SGMS1: variants seen among roughly 807,000 people sequenced by gnomAD.
SGMS1 encodes the protein sphingomyelin synthase 1.
Under a neutral mutation model 46.2 loss-of-function variants are expected in SGMS1, and 13 were observed. The observed-to-expected ratio is 0.28, with a 90% CI of 0.18 to 0.45. The LOEUF is 0.45. SGMS1 is among the 20% of genes least tolerant of loss of function. SGMS1 has a pLI of 1.00. For missense variants in SGMS1, 324 were observed against 519.9 expected (o/e 0.62, Z 3.66); for synonymous variants, 203 against 187.8 (o/e 1.08, Z -0.66).
At position 50,373,957 on chromosome 10, in the gene SGMS1, A is replaced by G. The variant is rs150364369; in HGVS notation, c.-231-29612T>C. ...ACATTATATAGACATCCTGTTCATT[A>G]TAAGAATTTGATCAGCATTCAGAGA... On this transcript the variant is annotated intron_variant, in intron 6 of 10. Transcript: ENST00000361781. 3.9e-3 allele frequency among the ~76,000 whole-genome samples: 592 copies of G among 152,332 alleles called. 8 individuals are homozygous for G. The highest frequency in any genetic ancestry group is 0.014 in the African/African-American group (567 of 41,578).
At chr10:50,439,184 G>A (rs746170641) in intron 5 of SGMS1, among the ~76,000 whole-genome samples, 1 of 152,038 alleles carries the variant, frequency 6.6e-6, no homozygotes, top group African/African-American at 2.4e-5. Flanking sequence ...TCTAATATGG[G>A]CGCCTTAAAA....
chr10:50,585,018 A>C (rs1219781578), intron 2 of SGMS1, among the ~76,000 whole-genome samples: 1 of 152,240 alleles, frequency 6.6e-6, no homozygotes, highest in Non-Finnish European at 1.5e-5. Flanking sequence ...AGCACATATG[A>C]AAATGCTACA....
intron 2 of SGMS1, among the ~76,000 whole-genome samples, chr10:50,562,982 G>A (rs548922775): frequency 6.6e-6 from 1 of 152,302 alleles, no homozygotes; most frequent in South Asian, 2.1e-4. Context: ...TACTAGGTAA[G>A]CTCTGTCTAG....
intron 8 of SGMS1, among the ~76,000 whole-genome samples, chr10:50,313,681 T>C (rs1273136253): frequency 1.3e-5 from 2 of 152,256 alleles, no homozygotes; most frequent in Non-Finnish European, 2.9e-5. Flanking sequence ...ATAATGCTTT[T>C]CTAAAATTCC....
At chr10:50,551,703 T>C (rs1470551964) in intron 2 of SGMS1, among the ~76,000 whole-genome samples, 1 of 152,100 alleles carries the variant, frequency 6.6e-6, no homozygotes, top group African/African-American at 2.4e-5. Context: ...TACAAAACTG[T>C]CTTTGGCTCC....
intron 8 of SGMS1, 98 bp from the exon 9 acceptor site, chr10:50,311,513 T>A: frequency 1.0e-6 from 1 of 984,460 alleles, no homozygotes; most frequent in South Asian, 1.9e-5. Flanking sequence ...AAGCTTATAT[T>A]AAGAAACATA....
chr10:50,381,291 A>G (rs914948852), intron 6 of SGMS1, among the ~76,000 whole-genome samples: 2 of 145,832 alleles, frequency 1.4e-5, no homozygotes, highest in African/African-American at 2.7e-5. Context: ...GAAGAAGAAG[A>G]AAAAAAAAAT....
At chr10:50,401,941 A>G (rs561099020) in intron 6 of SGMS1, among the ~76,000 whole-genome samples, 1 of 152,366 alleles carries the variant, frequency 6.6e-6, no homozygotes, top group South Asian at 2.1e-4. Flanking sequence ...ATTTTTTAAG[A>G]TTAAGCTAAA....
chr10:50,381,445 A>G (rs1414659956), intron 6 of SGMS1, among the ~76,000 whole-genome samples: 2 of 152,182 alleles, frequency 1.3e-5, no homozygotes, highest in Non-Finnish European at 2.9e-5. Context: ...GTTGGAGTAA[A>G]TAAATGGAGA....
At chr10:50,414,531 C>T (rs1849142545) in intron 6 of SGMS1, among the ~76,000 whole-genome samples, 1 of 152,208 alleles carries the variant, frequency 6.6e-6, no homozygotes, top group South Asian at 2.1e-4. Context: ...CTAATATATA[C>T]AATTTACTAT....
At chr10:50,429,103 A>T (rs1029710432) in intron 6 of SGMS1, among the ~76,000 whole-genome samples, 6 of 152,218 alleles carry the variant, frequency 3.9e-5, no homozygotes, top group Non-Finnish European at 5.9e-5. Context: ...TTGCTTTTGC[A>T]CCATCATGAA....
chr10:50,490,506 C>T (rs565666732), intron 3 of SGMS1, among the ~76,000 whole-genome samples: 1 of 152,358 alleles, frequency 6.6e-6, no homozygotes, highest in South Asian at 2.1e-4. Context: ...AGCAGCAACA[C>T]TGAAGAATCT....
At chr10:50,573,177 C>T (rs1273621001) in intron 2 of SGMS1, among the ~76,000 whole-genome samples, 1 of 152,140 alleles carries the variant, frequency 6.6e-6, no homozygotes, top group Non-Finnish European at 1.5e-5. Context: ...ATCTGGAATA[C>T]ACAAGAATGC....
At chr10:50,414,250 TA>T (rs1334086447) in intron 6 of SGMS1, among the ~76,000 whole-genome samples, 2 of 152,056 alleles carry the variant, frequency 1.3e-5, no homozygotes, top group Admixed American at 6.6e-5. Flanking sequence ...TGCAAAATAT[TA>T]AAAAATTAGC....
intron 1 of SGMS1, among the ~76,000 whole-genome samples, chr10:50,612,599 TAG>T (rs1213016857): frequency 1.6e-4 from 25 of 152,378 alleles, no homozygotes; most frequent in Admixed American, 2.0e-4. Flanking sequence ...TTGTTTTTAA[TAG>T]AGTCTTTCTT....
At chr10:50,559,186 A>G (rs1838213063) in intron 2 of SGMS1, among the ~76,000 whole-genome samples, 1 of 152,230 alleles carries the variant, frequency 6.6e-6, no homozygotes. Flanking sequence ...TACTAAAACT[A>G]CAAGAGTTAC....
At chr10:50,518,627 C>T (rs1185697209) in intron 3 of SGMS1, among the ~76,000 whole-genome samples, 2 of 152,116 alleles carry the variant, frequency 1.3e-5, no homozygotes, top group Non-Finnish European at 2.9e-5. Flanking sequence ...CCATGTTGGC[C>T]AGGCTGGTCT....
intron 5 of SGMS1, among the ~76,000 whole-genome samples, chr10:50,443,317 G>T (rs1406472509): frequency 6.6e-6 from 1 of 152,040 alleles, no homozygotes; most frequent in East Asian, 1.9e-4. Flanking sequence ...TCTTCTATTT[G>T]AGCCAAAGTT....
chr10:50,578,579 CT>C (rs1437894852), intron 2 of SGMS1, among the ~76,000 whole-genome samples: 1 of 152,184 alleles, frequency 6.6e-6, no homozygotes, highest in African/African-American at 2.4e-5. Flanking sequence ...AAGCCAAGAT[CT>C]CTGCTGAGAC....
Sources: allele counts gnomAD v4.1 joint callset (sites outside exome capture counted in the v4.1 genomes callset), GRCh38; gene constraint gnomAD v4.1.1; transcripts MANE v1.5; gene names NCBI Gene and HGNC (gene_info 2026-07-23, HGNC 2026-07-21).